PAK5: variants seen among roughly 807,000 people sequenced by gnomAD.
The protein encoded by PAK5 is p21 (RAC1) activated kinase 5.
PAK5 carries 16 observed loss-of-function variants against 65.9 expected under a neutral mutation model. The ratio of observed to expected loss-of-function variants is 0.24; its 90% CI spans 0.16 to 0.37. The LOEUF (loss-of-function observed/expected upper bound fraction) is 0.37. PAK5 is among the 10% of genes least tolerant of loss of function. The pLI is 1.00. For synonymous variants in PAK5, 371 were observed against 354.9 expected, an observed-to-expected ratio of 1.05 and a Z score of -0.51; for missense variants, 785 against 903.9, an observed-to-expected ratio of 0.87 and a Z score of 1.69.
chr20:9,766,503 TATATATATATTCAAGCAGA>T (rs2048768892), intron 1 of PAK5, among the ~76,000 whole-genome samples: 3 of 41,898 alleles, frequency 7.2e-5, no homozygotes, highest in African/African-American at 5.5e-4. Context: ...AGAATATATA[TATATATATATTCAAGCAGA>T]ATATATATAT....
chr20:9,602,342 A>C (rs1258686956), intron 3 of PAK5, among the ~76,000 whole-genome samples: 1 of 149,386 alleles, frequency 6.7e-6, no homozygotes, highest in Non-Finnish European at 1.5e-5. Context: ...AAATAAATAA[A>C]ATAAACTCCA....
chr20:9,661,209 G>A (rs1005499401), intron 2 of PAK5, among the ~76,000 whole-genome samples: 4 of 152,126 alleles, frequency 2.6e-5, no homozygotes, highest in Non-Finnish European at 4.4e-5. Flanking sequence ...TTAAGTGATT[G>A]TATGGTTTCC....
intron 3 of PAK5, among the ~76,000 whole-genome samples, chr20:9,600,842 AAAGGAG>A (rs138126508): frequency 0.24 from 37,170 of 151,848 alleles, 4,783 homozygotes; most frequent in Non-Finnish European, 0.29. Flanking sequence ...GGCAGGGGAG[AAAGGAG>A]AACGGTTAGG....
intron 1 of PAK5, among the ~76,000 whole-genome samples, chr20:9,713,552 T>C (rs2048104223): frequency 1.3e-5 from 2 of 152,098 alleles, no homozygotes; most frequent in Admixed American, 1.3e-4. Context: ...ATTGAATAGA[T>C]ATCTCCACAT....
chr20:9,787,040 A>T (rs1199814262), intron 1 of PAK5, among the ~76,000 whole-genome samples: 1 of 152,198 alleles, frequency 6.6e-6, no homozygotes, highest in Admixed American at 6.5e-5. Context: ...AGAAAAAATT[A>T]TTCTTCCTTA....
chr20:9,619,859 A>G (rs576452953), intron 3 of PAK5, among the ~76,000 whole-genome samples: 1 of 152,070 alleles, frequency 6.6e-6, no homozygotes, highest in Non-Finnish European at 1.5e-5. Flanking sequence ...AGTGCTCTCA[A>G]CCAATCATCA....
intron 3 of PAK5, among the ~76,000 whole-genome samples, chr20:9,582,733 G>A (rs2046001147): frequency 6.6e-6 from 1 of 152,106 alleles, no homozygotes; most frequent in Non-Finnish European, 1.5e-5. Flanking sequence ...GAATTCTTCT[G>A]CACAGGAGAC....
chr20:9,574,443 T>C (rs751684095), intron 4 of PAK5, among the ~76,000 whole-genome samples: 22 of 152,172 alleles, frequency 1.4e-4, no homozygotes, highest in Non-Finnish European at 2.5e-4. Flanking sequence ...ACAGAGCAGA[T>C]TGGTCTGACC....
intron 1 of PAK5, among the ~76,000 whole-genome samples, chr20:9,736,064 G>C (rs1224783516): frequency 2.0e-5 from 3 of 151,738 alleles, no homozygotes; most frequent in Non-Finnish European, 1.5e-5. Flanking sequence ...CTCACCCCCA[G>C]CTAATTTTGT....
intron 3 of PAK5, among the ~76,000 whole-genome samples, chr20:9,611,868 G>A (rs150462622): frequency 6.6e-6 from 1 of 152,174 alleles, no homozygotes; most frequent in Non-Finnish European, 1.5e-5. Flanking sequence ...ACTTGAGACT[G>A]TCCATTACTC....
rs188722371 is a variant in PAK5 at position 9,591,814 on chromosome 20, C to T, written c.205-10884G>A. ...CAAGAAAAATTTACCTTTGCATGTCCTAAATTTAAATTTCTGTTGTTGTTG... is the reference window on the plus strand; with the variant it reads ...CAAGAAAAATTTACCTTTGCATGTCTTAAATTTAAATTTCTGTTGTTGTTG... On this transcript the variant is annotated intron_variant, in intron 3 of 9. Coordinates refer to ENST00000353224, the MANE Select transcript of PAK5 (RefSeq NM_177990.4). 8.5e-5 allele frequency among the ~76,000 whole-genome samples: 13 copies of T among 152,172 alleles called. No individual in the cohort carries two copies. In the East Asian group the frequency reaches 1.9e-3, roughly 23 times the overall value.
chr20:9,555,672 C>G (rs1162406791), intron 7 of PAK5, among the ~76,000 whole-genome samples: 1 of 152,136 alleles, frequency 6.6e-6, no homozygotes, highest in African/African-American at 2.4e-5. Flanking sequence ...CTACCTGTAT[C>G]CACATCCCTT....
At chr20:9,697,812 A>T (rs1170253206) in intron 2 of PAK5, among the ~76,000 whole-genome samples, 1 of 152,126 alleles carries the variant, frequency 6.6e-6, no homozygotes, top group Non-Finnish European at 1.5e-5. Flanking sequence ...GTCTTAGTTG[A>T]CTATTGTTAG....
At chr20:9,671,193 G>A (rs2047491943) in intron 2 of PAK5, among the ~76,000 whole-genome samples, 1 of 152,176 alleles carries the variant, frequency 6.6e-6, no homozygotes, top group Non-Finnish European at 1.5e-5. Context: ...AGTATAGTTT[G>A]AAGTCAGGTA....
chr20:9,631,149 G>A (rs879468723), intron 3 of PAK5, among the ~76,000 whole-genome samples: 3 of 152,156 alleles, frequency 2.0e-5, no homozygotes, highest in Admixed American at 1.3e-4. Context: ...GAGTGACATT[G>A]GGAACGAGGT....
At chr20:9,755,656 T>C (rs1222870501) in intron 1 of PAK5, among the ~76,000 whole-genome samples, 1 of 152,160 alleles carries the variant, frequency 6.6e-6, no homozygotes, top group Non-Finnish European at 1.5e-5. Flanking sequence ...CCCTCCTAAC[T>C]AGACAGAGTT....
intron 7 of PAK5, among the ~76,000 whole-genome samples, chr20:9,549,793 A>C (rs2045399273): frequency 6.6e-6 from 1 of 152,168 alleles, no homozygotes; most frequent in Non-Finnish European, 1.5e-5. Context: ...CGATTTGCTG[A>C]GCATGAGATC....
intron 2 of PAK5, among the ~76,000 whole-genome samples, chr20:9,662,123 T>C (rs918223825): frequency 3.9e-5 from 6 of 152,194 alleles, no homozygotes; most frequent in African/African-American, 1.4e-4. Context: ...TTTAGCATAA[T>C]TTGGTGCCTA....
At chr20:9,810,067 A>G (rs2092622256) in intron 1 of PAK5, among the ~76,000 whole-genome samples, 1 of 152,060 alleles carries the variant, frequency 6.6e-6, no homozygotes, top group South Asian at 2.1e-4. Flanking sequence ...GTCAGAGTTA[A>G]GTCCATGGTC....
Sources: allele counts gnomAD v4.1 joint callset (sites outside exome capture counted in the v4.1 genomes callset), GRCh38; gene constraint gnomAD v4.1.1; transcripts MANE v1.5; gene names NCBI Gene and HGNC (gene_info 2026-07-23, HGNC 2026-07-21).